Variants in PPP1R12B observed in about 807,000 individuals in gnomAD.
PPP1R12B encodes protein phosphatase 1 regulatory subunit 12B.
In PPP1R12B, 76 loss-of-function variants were observed where a neutral mutation model predicts 126.1. The observed-to-expected ratio is 0.60, with a 90% CI of 0.50 to 0.73. PPP1R12B has a LOEUF of 0.73. Ranked by LOEUF, PPP1R12B falls within the 30% of genes least tolerant of loss-of-function variation. The pLI, the probability that PPP1R12B is intolerant of heterozygous loss-of-function variation, is 0.00. For synonymous variants in PPP1R12B, 356 were observed against 434.7 expected (o/e 0.82, Z 2.25); for missense variants, 1,052 against 1,205.1 (o/e 0.87, Z 1.88).
At chr1:202,494,052 T>C (rs1348062746) in intron 15 of PPP1R12B, among the ~76,000 whole-genome samples, 1 of 152,218 alleles carries the variant, frequency 6.6e-6, no homozygotes, top group Non-Finnish European at 1.5e-5. Context: ...CTTTGTGTAA[T>C]TATCATTACC....
rs763810683 is a variant in PPP1R12B at position 202,427,193 on chromosome 1, G to A, written c.846+9G>A. The A allele has an allele frequency of 1.9e-6, 3 of 1,612,770 alleles. No individual in the cohort carries two copies. The highest frequency in any genetic ancestry group is 2.5e-6 in the Non-Finnish European group (3 of 1,179,734). On this transcript the variant is annotated intron_variant, in intron 5 of 23. Transcript: ENST00000608999. ...ATATTCGAAATAAACTGGTTAGTGA[G>A]CCTGAACCTCTAAAAGAACAACGAG...
chr1:202,368,361 C>T (rs1049711585), intron 1 of PPP1R12B, among the ~76,000 whole-genome samples: 5 of 152,228 alleles, frequency 3.3e-5, no homozygotes, highest in African/African-American at 1.2e-4. Flanking sequence ...CTTCGCCCTC[C>T]ACTGTGAGTA....
At chr1:202,438,172 TTTATTC>T in intron 10 of PPP1R12B, 148 bp downstream of exon 10, 2 of 1,559,154 alleles carry the variant, frequency 1.3e-6, no homozygotes, top group East Asian at 4.6e-5. Context: ...ACACTGATAG[TTTATTC>T]AAGTAGCTAT....
Position 202,568,169 on chromosome 1 carries a change from T to TACAC in PPP1R12B, c.2811+364_2811+367dup, listed in dbSNP as rs112151278. Among the ~76,000 whole-genome samples the TACAC allele has an allele frequency of 2.6e-3, 380 of 147,450 alleles. 1 individual carries two copies. Among genetic ancestry groups the TACAC allele is most frequent in the East Asian group, 8.2e-3 (41 of 4,998 alleles). ...TTTTGGTTTACTGTAAATCATTGCA[T>TACAC]ACACACACACACACACACACACACA... On this transcript the variant is annotated intron_variant, in intron 22 of 23. Coordinates refer to ENST00000608999, the MANE Select transcript of PPP1R12B (RefSeq NM_002481.4).
rs536678084 is a variant in PPP1R12B, at chr1:202,449,099, A to G, written c.1778A>G (p.Asn593Ser). ...AATCGCCCTCTTCCTAGCACTGCCA[A>G]TGGGGTTACAGCTACTCCTGTGCTC... ...ITNRPLPSTANGVTATPVLSI... is the reference protein window; with the variant it reads ...ITNRPLPSTASGVTATPVLSI... Residue 593 changes from asparagine (N) to serine (S), a missense_variant, in exon 13 of 24, where the codon AAT becomes AGT. Asn to Ser is a conservative substitution (Grantham distance 46). Coordinates refer to ENST00000608999, the MANE Select transcript of PPP1R12B (RefSeq NM_002481.4). The G allele has an allele frequency of 1.6e-5, 26 of 1,613,786 alleles. No individual in the cohort carries two copies. The highest frequency in any genetic ancestry group is 4.5e-5 in the East Asian group (2 of 44,864).
chr1:202,571,289 T>C (rs1688572792), intron 23 of PPP1R12B, among the ~76,000 whole-genome samples: 1 of 152,214 alleles, frequency 6.6e-6, no homozygotes, highest in African/African-American at 2.4e-5. Flanking sequence ...GTTCTTTCCT[T>C]TCCTCAAGAG....
At chr1:202,375,841 C>T (rs1042144996) in intron 1 of PPP1R12B, among the ~76,000 whole-genome samples, 11 of 152,218 alleles carry the variant, frequency 7.2e-5, no homozygotes, top group African/African-American at 2.2e-4. Context: ...CATGGCATCC[C>T]GCCCCCACTT....
intron 18 of PPP1R12B, among the ~76,000 whole-genome samples, chr1:202,499,879 G>T (rs1361417900): frequency 1.3e-5 from 2 of 152,160 alleles, no homozygotes; most frequent in East Asian, 1.9e-4. Context: ...GCTATCAATA[G>T]AATATTTGGT....
At chr1:202,489,122 CT>C (rs1163579445) in intron 14 of PPP1R12B, among the ~76,000 whole-genome samples, 1 of 152,210 alleles carries the variant, frequency 6.6e-6, no homozygotes, top group African/African-American at 2.4e-5. Context: ...TGTGTTGAAT[CT>C]TATACTACAT....
chr1:202,349,979 C>G (rs1246373663), intron 1 of PPP1R12B, among the ~76,000 whole-genome samples: 2 of 152,182 alleles, frequency 1.3e-5, no homozygotes, highest in Non-Finnish European at 2.9e-5. Context: ...CTAACTACCC[C>G]TCTCTCCTCA....
In PPP1R12B at chr1:202,582,381, TG is replaced by T. The variant is rs1689593959; in HGVS notation, c.*1822del. 6.5e-6 allele frequency: 1 copy of T among 152,682 alleles called. No individual in the cohort carries two copies. The allele number at this position is 152,682 out of a possible 1,614,324, so 9.5% of individuals were successfully genotyped here. A position where few individuals can be genotyped will look rare whatever the true frequency, so the allele number is the denominator to read the frequency against. On this transcript the variant is annotated 3_prime_UTR_variant, in exon 24 of 24. Transcript: ENST00000608999. ...ATTAATACTTACAGTATTTTCTTTT[TG>T]TAGGAGTTTTATCCCTTGGTTCACT...
intron 13 of PPP1R12B, among the ~76,000 whole-genome samples, chr1:202,487,197 A>G (rs1678256612): frequency 6.6e-6 from 1 of 152,224 alleles, no homozygotes; most frequent in Non-Finnish European, 1.5e-5. Context: ...CAATCATCTC[A>G]ATATATGGGG....
intron 1 of PPP1R12B, among the ~76,000 whole-genome samples, chr1:202,364,584 T>G (rs2148421096): frequency 6.6e-6 from 1 of 151,686 alleles, no homozygotes; most frequent in South Asian, 2.1e-4. Flanking sequence ...TTTTATTTAT[T>G]TATTTTTTTT....
At chr1:202,501,969 G>A in intron 18 of PPP1R12B, 4 of 985,712 alleles carry the variant, frequency 4.1e-6, no homozygotes, top group Non-Finnish European at 3.6e-6. Flanking sequence ...GATTCAGTGG[G>A]TAGAGCATCA....
At chr1:202,375,433 C>G (rs1661019628) in intron 1 of PPP1R12B, among the ~76,000 whole-genome samples, 1 of 152,192 alleles carries the variant, frequency 6.6e-6, no homozygotes, top group African/African-American at 2.4e-5. Flanking sequence ...ATCTCCTAGT[C>G]TTAATACATT....
intron 13 of PPP1R12B, among the ~76,000 whole-genome samples, chr1:202,458,037 C>A (rs1398158914): frequency 6.6e-6 from 1 of 152,084 alleles, no homozygotes; most frequent in East Asian, 1.9e-4. Flanking sequence ...TAGGGTCATT[C>A]CTCTCTGGGG....
chr1:202,419,026 A>G lies in PPP1R12B; in HGVS notation c.422+2109A>G, dbSNP rs1280504123. Among the ~76,000 whole-genome samples the G allele has an allele frequency of 1.3e-5, 2 of 152,316 alleles. No homozygotes were observed. Among genetic ancestry groups the G allele is most frequent in the Admixed American group, 6.5e-5 (1 of 15,298 alleles). Reference sequence around the variant, plus strand: ...GTAAAGGCAAACTGGCTTTCTAGGAAGAATCCAAGTACATTCTATTTCATG... The same window carrying G: ...GTAAAGGCAAACTGGCTTTCTAGGAGGAATCCAAGTACATTCTATTTCATG... On this transcript the variant is annotated intron_variant, in intron 2 of 23. Coordinates refer to ENST00000608999, the MANE Select transcript of PPP1R12B (RefSeq NM_002481.4). This position sits in a 1 kb window ranked among gnomAD's most constrained non-coding sequence, Gnocchi z 4.6.
chr1:202,444,602 T>C (rs1672011354), intron 12 of PPP1R12B, among the ~76,000 whole-genome samples: 1 of 152,224 alleles, frequency 6.6e-6, no homozygotes, highest in Non-Finnish European at 1.5e-5. Flanking sequence ...ACTTTTGCTT[T>C]TGCAGTGCTA....
Position 202,591,952 on chromosome 1 carries a change from C to T in PPP1R12B, c.*11392C>T, listed in dbSNP as rs1195895860. The T allele has an allele frequency of 6.5e-6, 1 of 152,906 alleles. No individual in the cohort carries two copies. The highest frequency in any genetic ancestry group is 2.4e-5 in the African/African-American group (1 of 41,470). 9.5% of individuals were successfully genotyped at this position (152,906 alleles called of 1,614,324 possible). On this transcript the variant is annotated 3_prime_UTR_variant, in exon 24 of 24. Coordinates refer to ENST00000608999, the MANE Select transcript of PPP1R12B (RefSeq NM_002481.4). ...CCAGCTCGGGCAGGGCCAGCATGGG[C>T]ATCTCCTGAGACCCCACCGGAAGCC...
Sources: gnomAD v4.1 joint callset for allele counts (sites outside exome capture counted in the v4.1 genomes callset) on GRCh38, gnomAD v4.1.1 for gene constraint, Gnocchi (gnomAD v3.1) non-coding constraint, MANE v1.5 for transcripts, NCBI Gene and HGNC (gene_info 2026-07-23, HGNC 2026-07-21) for gene names.